Variants in PDE4B observed in about 807,000 individuals in gnomAD.
PDE4B encodes the protein phosphodiesterase 4B.
In PDE4B, 20 loss-of-function variants were observed where a neutral mutation model predicts 82.2. The ratio of observed to expected loss-of-function variants is 0.24; its 90% CI spans 0.17 to 0.35. PDE4B has a LOEUF of 0.35. Among genes scored for constraint, PDE4B ranks in the 10% least tolerant of loss-of-function variants. The pLI is 1.00. For synonymous variants in PDE4B, 320 were observed against 318.9 expected (o/e 1.00, Z -0.04); for missense variants, 655 against 907.2 (o/e 0.72, Z 3.57).
At chr1:65,891,959 C>G (rs543869033) in intron 1 of PDE4B, among the ~76,000 whole-genome samples, 1 of 152,128 alleles carries the variant, frequency 6.6e-6, no homozygotes, top group African/African-American at 2.4e-5. Context: ...CTGATAATCT[C>G]CTTTATACTT....
At chr1:66,084,283 T>C (rs1249477189) in intron 3 of PDE4B, among the ~76,000 whole-genome samples, 1 of 152,142 alleles carries the variant, frequency 6.6e-6, no homozygotes, top group African/African-American at 2.4e-5. Flanking sequence ...AACAGGAGCC[T>C]TCTCTCTTAC....
At chr1:66,184,790 T>G (rs1236292585) in intron 3 of PDE4B, among the ~76,000 whole-genome samples, 1 of 150,706 alleles carries the variant, frequency 6.6e-6, no homozygotes, top group African/African-American at 2.5e-5. Context: ...TAGTAATACC[T>G]CAGAGTTTTT....
At position 66,372,609 on chromosome 1, in the gene PDE4B, A is replaced by C; in HGVS notation, c.2142A>C (p.Glu714Asp). Residue 714 changes from glutamate to aspartate, a missense_variant, in exon 17 of 17, where the codon GAA becomes GAC. Around this residue, in one of 3 missense-constraint regions of PDE4B, gnomAD observed 119 missense variants for 115.2 expected, o/e 1.03. Transcript: ENST00000341517. ...STKTLCVIDP[E>D]NRDSLGETDI... Reference sequence around the variant, plus strand: ...AGACGCTTTGTGTGATTGATCCAGAAAACAGAGATTCCCTGGGAGAGACTG... The same window carrying C: ...AGACGCTTTGTGTGATTGATCCAGACAACAGAGATTCCCTGGGAGAGACTG... 6.2e-7 allele frequency: 1 copy of C among 1,614,110 alleles called. No individual in the cohort carries two copies. The highest frequency in any genetic ancestry group is 8.5e-7 in the Non-Finnish European group (1 of 1,179,964).
At chr1:66,285,269 C>A (rs1021181778) in intron 7 of PDE4B, among the ~76,000 whole-genome samples, 1 of 152,062 alleles carries the variant, frequency 6.6e-6, no homozygotes, top group African/African-American at 2.4e-5. Flanking sequence ...AAATTGAAGA[C>A]GTATAGTCTT....
chr1:65,831,182 A>G (rs1237879486), intron 1 of PDE4B, among the ~76,000 whole-genome samples: 3 of 152,010 alleles, frequency 2.0e-5, no homozygotes, highest in Non-Finnish European at 2.9e-5. Context: ...GGAAATAAAT[A>G]ATAAAGATTA....
At chr1:66,204,687 C>G (rs111840457) in intron 3 of PDE4B, among the ~76,000 whole-genome samples, 235 of 152,336 alleles carry the variant, frequency 1.5e-3, no homozygotes, top group African/African-American at 5.3e-3. Flanking sequence ...GTTTTTTAAG[C>G]CCATTGGAAA....
chr1:65,914,073 C>T (rs984047044), intron 2 of PDE4B, among the ~76,000 whole-genome samples: 5 of 152,118 alleles, frequency 3.3e-5, no homozygotes, highest in Non-Finnish European at 7.4e-5. Context: ...CTCATCTTTA[C>T]CCAATTACTG....
chr1:66,247,843 G>T (rs1653443536), intron 4 of PDE4B, among the ~76,000 whole-genome samples, 189 bp downstream of exon 4: 3 of 152,100 alleles, frequency 2.0e-5, no homozygotes, highest in African/African-American at 2.4e-5. Context: ...TATGTAGCTG[G>T]GGTCTCCAAG....
chr1:65,892,871 A>G (rs1646867624), intron 1 of PDE4B, among the ~76,000 whole-genome samples: 1 of 152,070 alleles, frequency 6.6e-6, no homozygotes, highest in South Asian at 2.1e-4. Flanking sequence ...TACATTTGCT[A>G]CTTCCATTTT....
At chr1:66,048,040 A>G (rs1042091977) in intron 3 of PDE4B, among the ~76,000 whole-genome samples, 2 of 151,774 alleles carry the variant, frequency 1.3e-5, no homozygotes, top group Admixed American at 6.6e-5. Context: ...GACCATTGCT[A>G]TTTTCAGACT....
intron 3 of PDE4B, among the ~76,000 whole-genome samples, chr1:66,220,091 T>C (rs1417183306): frequency 6.6e-6 from 1 of 150,958 alleles, no homozygotes; most frequent in East Asian, 1.9e-4. Context: ...AGCTACTTAA[T>C]TACAGGACAA....
intron 3 of PDE4B, among the ~76,000 whole-genome samples, chr1:65,994,768 T>C (rs1270620651): frequency 6.6e-6 from 1 of 152,152 alleles, no homozygotes; most frequent in Non-Finnish European, 1.5e-5. Flanking sequence ...TTTTAGATAA[T>C]GATAAGTCTT....
At chr1:66,011,895 T>G (rs1652506945) in intron 3 of PDE4B, among the ~76,000 whole-genome samples, 1 of 152,142 alleles carries the variant, frequency 6.6e-6, no homozygotes, top group Non-Finnish European at 1.5e-5. Flanking sequence ...TGACCTTTTT[T>G]TGTTTTTGAT....
chr1:66,344,503 A>G (rs1040681377), intron 8 of PDE4B, among the ~76,000 whole-genome samples: 2 of 152,272 alleles, frequency 1.3e-5, no homozygotes, highest in African/African-American at 2.4e-5. Flanking sequence ...AGATAAAGTC[A>G]TTGTCTAATG....
At chr1:65,983,502 T>C (rs1430783934) in intron 3 of PDE4B, among the ~76,000 whole-genome samples, 1 of 152,168 alleles carries the variant, frequency 6.6e-6, no homozygotes, top group Non-Finnish European at 1.5e-5. Flanking sequence ...TTACAGAGAT[T>C]ATAAAGTTAA....
At chr1:66,167,094 T>A (rs1391788708) in intron 3 of PDE4B, among the ~76,000 whole-genome samples, 1 of 152,226 alleles carries the variant, frequency 6.6e-6, no homozygotes, top group East Asian at 1.9e-4. Context: ...CTCTCATACA[T>A]TTCTGGTGGG....
At chr1:66,218,973 T>C (rs1408781487) in intron 3 of PDE4B, among the ~76,000 whole-genome samples, 1 of 152,186 alleles carries the variant, frequency 6.6e-6, no homozygotes, top group Non-Finnish European at 1.5e-5. Context: ...CTAATCTGCA[T>C]TATTTCTGCC....
intron 1 of PDE4B, among the ~76,000 whole-genome samples, chr1:65,815,038 T>C (rs1333734671): frequency 8.3e-6 from 1 of 119,812 alleles, no homozygotes; most frequent in African/African-American, 2.8e-5. Context: ...TATTTATTTA[T>C]TTATTTATTT....
intron 1 of PDE4B, among the ~76,000 whole-genome samples, chr1:65,808,211 G>A (rs991539936): frequency 1.4e-5 from 2 of 141,440 alleles, no homozygotes; most frequent in Non-Finnish European, 3.0e-5. Context: ...TTGATCTGAT[G>A]CCCAGGCTGG....
Sources: allele counts gnomAD v4.1 joint callset (sites outside exome capture counted in the v4.1 genomes callset), GRCh38; gene constraint gnomAD v4.1.1; regional missense constraint gnomAD v4.1.1; transcripts MANE v1.5; gene names NCBI Gene and HGNC (gene_info 2026-07-23, HGNC 2026-07-21).